SPIC: variants seen among roughly 807,000 people sequenced by gnomAD.
The protein encoded by SPIC is Spi-C transcription factor, also known as transcription factor Spi-C.
Under a neutral mutation model 16.7 loss-of-function variants are expected in SPIC, and 9 were observed. The observed-to-expected ratio is 0.54, with a 90% CI of 0.33 to 0.94. The LOEUF is 0.94. Among genes scored for constraint, SPIC ranks in the 40% least tolerant of loss-of-function variants. The probability of loss-of-function intolerance (pLI) is 0.03; values close to 1 mark genes in which losing one functional copy is unlikely to be tolerated. For missense variants in SPIC, 241 were observed against 285.8 expected (o/e 0.84, Z 1.13); for synonymous variants, 97 against 102.9 (o/e 0.94, Z 0.35).
rs991519673 is a variant in SPIC, at chr12:101,477,222, T to C, written c.3+315T>C. Reference sequence around the variant, plus strand: ...TGCAATAATGTTAAATACTGTACTATAGAATGAATACCATTCTCTAAATAG... The same window carrying C: ...TGCAATAATGTTAAATACTGTACTACAGAATGAATACCATTCTCTAAATAG... On this transcript the variant is annotated intron_variant, in intron 2 of 5. Coordinates refer to ENST00000551346, the MANE Select transcript of SPIC (RefSeq NM_152323.3). 3.9e-5 allele frequency among the ~76,000 whole-genome samples: 6 copies of C among 152,356 alleles called. No homozygotes were observed. In the South Asian group the frequency reaches 6.2e-4, roughly 16 times the overall value.
At chr12:101,481,510 AT>A (rs72107180) in intron 4 of SPIC, among the ~76,000 whole-genome samples, 1,483 of 129,994 alleles carry the variant, frequency 0.011, 8 homozygotes, top group African/African-American at 0.031. Context: ...CCCACAGCTA[AT>A]TTTTTTTTTT....
intron 5 of SPIC, among the ~76,000 whole-genome samples, chr12:101,483,817 C>T (rs1021457119): frequency 2.6e-5 from 4 of 151,780 alleles, no homozygotes; most frequent in Admixed American, 6.6e-5. Flanking sequence ...AGGCTGGTCT[C>T]GAAACCCTGG....
intron 4 of SPIC, among the ~76,000 whole-genome samples, chr12:101,481,194 CT>C (rs34552801): frequency 1.3e-5 from 2 of 149,278 alleles, no homozygotes; most frequent in Admixed American, 6.7e-5. Flanking sequence ...TGGCTGTCAT[CT>C]TTTTTTTTTA....
chr12:101,479,790 C>A, intron 4 of SPIC, 96 bp downstream of exon 4: 1 of 815,182 alleles, frequency 1.2e-6, no homozygotes, highest in Non-Finnish European at 1.9e-6. Flanking sequence ...TTAAAGACAG[C>A]ATTGACTATG....
In SPIC at chr12:101,482,890, G is replaced by C. The variant is rs140414335; in HGVS notation, c.309G>C (p.Lys103Asn). ...TACAACCCACTCTTCTCCAGCAAAA[G>C]GGGGGAAAAGGTACGTTGATCCATC... Reference protein sequence around the residue: ...QLVQPTLLQQKGGKGRKKLRL... With the variant: ...QLVQPTLLQQNGGKGRKKLRL... The change falls in exon 5 of 6, where the codon AAG becomes AAC. Residue 103 changes from lysine (K) to asparagine (N), a missense_variant. Physicochemically the swap from Lys to Asn is moderately conservative, Grantham distance 94. Transcript: ENST00000551346. 2 of 1,613,222 alleles carry C rather than the reference G, an allele frequency of 1.2e-6. No homozygotes were observed. The highest frequency in any genetic ancestry group is 1.7e-6 in the Non-Finnish European group (2 of 1,179,452).
At position 101,479,707 on chromosome 12, in the gene SPIC, C is replaced by A. The variant is rs1255683407; in HGVS notation, c.210+13C>A. The A allele has an allele frequency of 1.3e-6, 2 of 1,582,034 alleles. No homozygotes were observed. Among genetic ancestry groups the A allele is most frequent in the Non-Finnish European group, 1.7e-6 (2 of 1,151,682 alleles). ...GAGAACGGTAATTGTAAGTATCAGA[C>A]CATCCCTTAATAACAGGCAAATATC... On this transcript the variant is annotated intron_variant, in intron 4 of 5. Coordinates refer to ENST00000551346, the MANE Select transcript of SPIC (RefSeq NM_152323.3).
intron 4 of SPIC, among the ~76,000 whole-genome samples, chr12:101,482,523 C>T (rs11110819): frequency 0.25 from 38,688 of 151,792 alleles, 7,555 homozygotes; most frequent in African/African-American, 0.54. Flanking sequence ...GATGGTACCA[C>T]AGACTTTAAG....
At chr12:101,485,928 C>G (rs759904151) in intron 5 of SPIC, among the ~76,000 whole-genome samples, 7 of 152,260 alleles carry the variant, frequency 4.6e-5, no homozygotes, top group South Asian at 4.2e-4. Flanking sequence ...CTCAGCCTCC[C>G]GAGTAGCTGG....
intron 5 of SPIC, among the ~76,000 whole-genome samples, chr12:101,483,128 T>C (rs1873261895): frequency 6.6e-6 from 1 of 151,078 alleles, no homozygotes; most frequent in Admixed American, 6.6e-5. Flanking sequence ...CACTCTGTTG[T>C]CCAGGCTGGG....
chr12:101,479,709 A>G lies in SPIC; in HGVS notation c.210+15A>G. ...GAACGGTAATTGTAAGTATCAGACC[A>G]TCCCTTAATAACAGGCAAATATCCT... is the stretch of plus-strand genomic sequence containing the variant. On this transcript the variant is annotated intron_variant, in intron 4 of 5. Coordinates refer to ENST00000551346, the MANE Select transcript of SPIC (RefSeq NM_152323.3). 1.9e-6 allele frequency: 3 copies of G among 1,574,928 alleles called. No individual in the cohort carries two copies. The highest frequency in any genetic ancestry group is 2.6e-6 in the Non-Finnish European group (3 of 1,145,864).
chr12:101,479,979 G>C (rs1873137175), intron 4 of SPIC, among the ~76,000 whole-genome samples: 1 of 151,936 alleles, frequency 6.6e-6, no homozygotes, highest in Non-Finnish European at 1.5e-5. Flanking sequence ...ACAATGCCCA[G>C]TTAACTTCTG....
chr12:101,485,692 T>C (rs1008541510), intron 5 of SPIC, among the ~76,000 whole-genome samples: 11 of 152,206 alleles, frequency 7.2e-5, no homozygotes, highest in African/African-American at 2.7e-4. Context: ...CCCCTTAAAA[T>C]GACTTGTTTT....
At chr12:101,479,242 AAAAG>A (rs1555208988) in intron 3 of SPIC, among the ~76,000 whole-genome samples, 4 of 45,030 alleles carry the variant, frequency 8.9e-5, no homozygotes, top group African/African-American at 2.2e-4. Context: ...GAAAGAAAGA[AAAAG>A]AAAGAAAGAA....
chr12:101,476,977 CTT>C lies in SPIC; in HGVS notation c.3+75_3+76del, dbSNP rs1326965370. ...GCTCTACAGCATAATAATTAAAAAA[CTT>C]TTTTCTTTACTCTCCCTCCATTTTA... On this transcript the variant is annotated intron_variant, in intron 2 of 5. Transcript: ENST00000551346. 5 of 971,492 alleles carry C rather than the reference CTT, an allele frequency of 5.1e-6. No homozygotes were observed. In the East Asian group the frequency reaches 1.2e-4, roughly 23 times the overall value. 60.2% of individuals were successfully genotyped at this position (971,492 alleles called of 1,614,324 possible).
At chr12:101,477,084 A>C (rs1872980215) in intron 2 of SPIC, among the ~76,000 whole-genome samples, 177 bp downstream of exon 2, 4 of 152,214 alleles carry the variant, frequency 2.6e-5, no homozygotes, top group Admixed American at 2.6e-4. Flanking sequence ...TGGAGACATA[A>C]GAGCATTTCA....
intron 1 of SPIC, among the ~76,000 whole-genome samples, chr12:101,476,073 A>C (rs1412728553): frequency 1.3e-5 from 2 of 152,226 alleles, no homozygotes; most frequent in African/African-American, 4.8e-5. Flanking sequence ...AAGAAGATAA[A>C]TACTTGCATA....
chr12:101,479,355 G>GAAAGAAAGAAAGAA, intron 3 of SPIC, among the ~76,000 whole-genome samples: 1 of 151,098 alleles, frequency 6.6e-6, no homozygotes, highest in East Asian at 1.9e-4. Flanking sequence ...AAGAAAGAAA[G>GAAAGAAAGAAAGAA]AAATCATGCG....
chr12:101,479,214 AAGAAAGAAGG>A (rs1593490816), intron 3 of SPIC, among the ~76,000 whole-genome samples: 1 of 131,084 alleles, frequency 7.6e-6, no homozygotes, highest in African/African-American at 2.8e-5. Flanking sequence ...GAAAGAAAGA[AAGAAAGAAGG>A]AAAGAAAGAA....
chr12:101,486,844 C>G lies in SPIC; in HGVS notation c.*73C>G. The G allele has an allele frequency of 7.9e-7, 1 of 1,272,204 alleles. No individual in the cohort carries two copies. Among genetic ancestry groups the G allele is most frequent in the Non-Finnish European group, 1.1e-6 (1 of 945,806 alleles). 78.8% of individuals were successfully genotyped at this position (1,272,204 alleles called of 1,614,324 possible). On this transcript the variant is annotated 3_prime_UTR_variant, in exon 6 of 6. Coordinates refer to ENST00000551346, the MANE Select transcript of SPIC (RefSeq NM_152323.3). ...GTTTTAATGATTTCTCCCTCCCTCTCTTTTTTTCCTCCTCTGAAGAAATTT... is the reference window on the plus strand; with the variant it reads ...GTTTTAATGATTTCTCCCTCCCTCTGTTTTTTTCCTCCTCTGAAGAAATTT...
Sources: gnomAD v4.1 joint callset for allele counts (sites outside exome capture counted in the v4.1 genomes callset) on GRCh38, gnomAD v4.1.1 for gene constraint, MANE v1.5 for transcripts, NCBI Gene and HGNC (gene_info 2026-07-23, HGNC 2026-07-21) for gene names.